CCSER1: variants seen among roughly 807,000 people sequenced by gnomAD.
CCSER1 encodes serine-rich coiled-coil domain-containing protein 1.
In CCSER1, 41 loss-of-function variants were observed where a neutral mutation model predicts 82.0. The ratio of observed to expected loss-of-function variants is 0.50; its 90% CI spans 0.39 to 0.65. The LOEUF (loss-of-function observed/expected upper bound fraction) is 0.65. Ranked by LOEUF, CCSER1 falls within the 30% of genes least tolerant of loss-of-function variation. The probability of loss-of-function intolerance (pLI) is 0.00; values close to 1 mark genes in which losing one functional copy is unlikely to be tolerated. For synonymous variants in CCSER1, 414 were observed against 383.9 expected (o/e 1.08, Z -0.92); for missense variants, 1,119 against 1,064.2 (o/e 1.05, Z -0.72).
intron 10 of CCSER1, among the ~76,000 whole-genome samples, chr4:91,245,194 G>A (rs534875982): frequency 6.6e-6 from 1 of 152,104 alleles, no homozygotes; most frequent in African/African-American, 2.4e-5. Flanking sequence ...TTTTAAAGAG[G>A]AGGTAGAGAA....
intron 5 of CCSER1, among the ~76,000 whole-genome samples, chr4:90,523,265 T>C (rs1457469935): frequency 1.3e-5 from 2 of 152,174 alleles, no homozygotes; most frequent in Admixed American, 1.3e-4. Context: ...ATGGTGATGA[T>C]GGACATAGCT....
chr4:91,285,307 G>A (rs977072677), intron 10 of CCSER1, among the ~76,000 whole-genome samples: 1 of 144,316 alleles, frequency 6.9e-6, no homozygotes. Context: ...TGTGCTATAT[G>A]TTATATTTCA....
At chr4:91,002,773 G>A (rs185095065) in intron 9 of CCSER1, among the ~76,000 whole-genome samples, 79 of 152,138 alleles carry the variant, frequency 5.2e-4, no homozygotes, top group African/African-American at 1.8e-3. Flanking sequence ...TTCTTGGTTT[G>A]AATCCATTGC....
At chr4:90,562,029 A>G (rs912435497) in intron 5 of CCSER1, among the ~76,000 whole-genome samples, 1 of 151,876 alleles carries the variant, frequency 6.6e-6, no homozygotes, top group African/African-American at 2.4e-5. Flanking sequence ...TCTCTACTAA[A>G]TATACCAAAT....
At chr4:90,201,531 A>G (rs1737702431) in intron 1 of CCSER1, among the ~76,000 whole-genome samples, 1 of 149,318 alleles carries the variant, frequency 6.7e-6, no homozygotes, top group South Asian at 2.1e-4. Flanking sequence ...TATTAAATTT[A>G]ATATATCTAA....
intron 2 of CCSER1, 133 bp downstream of exon 2, chr4:90,309,741 A>C: frequency 1.5e-6 from 1 of 673,066 alleles, no homozygotes. Flanking sequence ...TTTCCTATTC[A>C]TAATTTGTGT....
At chr4:90,785,304 C>T (rs562494609) in intron 7 of CCSER1, among the ~76,000 whole-genome samples, 1 of 152,272 alleles carries the variant, frequency 6.6e-6, no homozygotes, top group South Asian at 2.1e-4. Flanking sequence ...TCCCAAATTA[C>T]AGGCATGAGC....
intron 5 of CCSER1, among the ~76,000 whole-genome samples, chr4:90,476,865 A>C (rs1323975289): frequency 6.6e-6 from 1 of 152,130 alleles, no homozygotes; most frequent in Non-Finnish European, 1.5e-5. Flanking sequence ...TACATTGAGC[A>C]CACAAATGCT....
intron 9 of CCSER1, among the ~76,000 whole-genome samples, chr4:91,075,379 A>G (rs1721868754): frequency 6.6e-6 from 1 of 152,148 alleles, no homozygotes; most frequent in African/African-American, 2.4e-5. Context: ...TACTGAGGGA[A>G]ATGAATTTTT....
intron 10 of CCSER1, among the ~76,000 whole-genome samples, chr4:91,335,713 A>T (rs1747272655): frequency 6.6e-6 from 1 of 151,092 alleles, no homozygotes; most frequent in South Asian, 2.1e-4. Context: ...GGTGAAGAAG[A>T]TACAGCATTG....
At chr4:90,436,831 G>T (rs1279450439) in intron 4 of CCSER1, among the ~76,000 whole-genome samples, 22 of 150,502 alleles carry the variant, frequency 1.5e-4, no homozygotes, top group Non-Finnish European at 3.0e-4. Flanking sequence ...TTTTGAGACG[G>T]AGTCTCACTC....
chr4:91,406,898 C>G (rs527911977), intron 10 of CCSER1, among the ~76,000 whole-genome samples: 1 of 152,140 alleles, frequency 6.6e-6, no homozygotes, highest in East Asian at 1.9e-4. Context: ...AAAAAAACAA[C>G]CTTTGTTTAT....
chr4:91,208,099 G>A (rs1295808373), intron 10 of CCSER1, among the ~76,000 whole-genome samples: 1 of 151,730 alleles, frequency 6.6e-6, no homozygotes, highest in Non-Finnish European at 1.5e-5. Flanking sequence ...TTATACATTT[G>A]TCTAAGTTTC....
intron 6 of CCSER1, among the ~76,000 whole-genome samples, chr4:90,691,534 A>G (rs1161327716): frequency 6.8e-6 from 1 of 146,286 alleles, no homozygotes; most frequent in Non-Finnish European, 1.5e-5. Context: ...TATCACACGT[A>G]TAATACATGT....
At chr4:90,245,033 G>A (rs1203557483) in intron 1 of CCSER1, among the ~76,000 whole-genome samples, 1 of 152,028 alleles carries the variant, frequency 6.6e-6, no homozygotes, top group Admixed American at 6.6e-5. Flanking sequence ...TTCATGTAAG[G>A]TTTTTATGAG....
At chr4:91,268,671 G>A (rs1741798159) in intron 10 of CCSER1, among the ~76,000 whole-genome samples, 1 of 152,114 alleles carries the variant, frequency 6.6e-6, no homozygotes, top group South Asian at 2.1e-4. Flanking sequence ...GATAGGGGTG[G>A]GGCTGTTTTA....
At chr4:91,106,455 C>A (rs1023716929) in intron 10 of CCSER1, among the ~76,000 whole-genome samples, 4 of 152,104 alleles carry the variant, frequency 2.6e-5, no homozygotes, top group Admixed American at 1.3e-4. Flanking sequence ...TAATGGCATT[C>A]CTTGAGAGCA....
intron 1 of CCSER1, among the ~76,000 whole-genome samples, chr4:90,278,128 G>A (rs1728175221): frequency 1.3e-5 from 2 of 152,066 alleles, no homozygotes; most frequent in Non-Finnish European, 2.9e-5. Context: ...ATCACAGTGA[G>A]ATACCATCTC....
intron 5 of CCSER1, among the ~76,000 whole-genome samples, chr4:90,567,848 C>T (rs1432852681): frequency 1.3e-5 from 2 of 152,102 alleles, no homozygotes; most frequent in Non-Finnish European, 2.9e-5. Flanking sequence ...CTCAAGTGAT[C>T]TGCCCGCTTC....
Sources: allele counts gnomAD v4.1 joint callset (sites outside exome capture counted in the v4.1 genomes callset), GRCh38; gene constraint gnomAD v4.1.1; transcripts MANE v1.5; gene names NCBI Gene and HGNC (gene_info 2026-07-23, HGNC 2026-07-21).